SLCO1B3: variants seen among roughly 807,000 people sequenced by gnomAD.
SLCO1B3 encodes the protein liver-specific organic anion transporter 2.
A neutral mutation model predicts 71.8 loss-of-function variants in SLCO1B3; 72 were observed. That is an observed-to-expected ratio of 1.00 (90% CI 0.83 to 1.22). The LOEUF (loss-of-function observed/expected upper bound fraction) is 1.22, where lower values mean the gene tolerates loss of function less well. Among genes scored for constraint, SLCO1B3 ranks in the 50% most tolerant of loss-of-function variants. The probability of loss-of-function intolerance (pLI) is 0.00; values close to 1 mark genes in which losing one functional copy is unlikely to be tolerated. For missense variants in SLCO1B3, 911 were observed against 819.7 expected, an observed-to-expected ratio of 1.11 and a Z score of -1.36; for synonymous variants, 298 against 278.4, an observed-to-expected ratio of 1.07 and a Z score of -0.70.
At chr12:20,911,622 G>T (rs562756817) in intron 15 of SLCO1B3, among the ~76,000 whole-genome samples, 2 of 152,288 alleles carry the variant, frequency 1.3e-5, no homozygotes, top group South Asian at 2.1e-4. Context: ...AACAGATATA[G>T]ATCTATTCAG....
At chr12:20,871,656 A>G (rs1476737175) in intron 8 of SLCO1B3, among the ~76,000 whole-genome samples, 2 of 152,122 alleles carry the variant, frequency 1.3e-5, no homozygotes, top group South Asian at 2.1e-4. Flanking sequence ...TGGAAAGTAT[A>G]TGGAAGAATT....
At chr12:20,853,308 G>A (rs1865060165) in intron 3 of SLCO1B3, among the ~76,000 whole-genome samples, 1 of 151,882 alleles carries the variant, frequency 6.6e-6, no homozygotes, top group Admixed American at 6.6e-5. Context: ...AAAAGTATTG[G>A]TGTTACTTAT....
intron 4 of SLCO1B3, among the ~76,000 whole-genome samples, chr12:20,855,587 GA>G (rs1237663409): frequency 1.3e-5 from 2 of 151,838 alleles, no homozygotes; most frequent in African/African-American, 2.4e-5. Context: ...GTTTTAGGTG[GA>G]AGGACTGCAT....
At chr12:20,827,112 G>T (rs1387665587) in intron 3 of SLCO1B3, among the ~76,000 whole-genome samples, 1 of 151,290 alleles carries the variant, frequency 6.6e-6, no homozygotes, top group African/African-American at 2.4e-5. Context: ...AATTTTCAAT[G>T]CATTATTTTT....
intron 8 of SLCO1B3, among the ~76,000 whole-genome samples, chr12:20,872,893 C>T (rs538118563): frequency 2.6e-5 from 4 of 152,162 alleles, no homozygotes; most frequent in Non-Finnish European, 4.4e-5. Flanking sequence ...ATCAATCAGC[C>T]CAGCCATATC....
chr12:20,872,914 T>C (rs927437475), intron 8 of SLCO1B3, among the ~76,000 whole-genome samples: 2 of 152,310 alleles, frequency 1.3e-5, no homozygotes, highest in East Asian at 1.9e-4. Flanking sequence ...TTCTTGGGCC[T>C]CTCAAATTTT....
rs568420770 is a variant in SLCO1B3 at position 20,821,750 on chromosome 12, C to A, written c.84+5928C>A. On this transcript the variant is annotated intron_variant, in intron 3 of 15. Transcript: ENST00000381545. The stretch of plus-strand genomic sequence containing the variant: ...GGACTTGCGGCTAAGGGTGAAGGAC[C>A]AAGGCAGGCATCCCTGCGTGGTCTG... 2.7e-3 allele frequency among the ~76,000 whole-genome samples: 414 copies of A among 152,196 alleles called. 2 individuals carry two copies. The highest frequency in any genetic ancestry group is 9.5e-3 in the African/African-American group (395 of 41,520).
intron 8 of SLCO1B3, among the ~76,000 whole-genome samples, chr12:20,871,066 G>A (rs557060262): frequency 3.9e-5 from 6 of 152,260 alleles, no homozygotes; most frequent in African/African-American, 7.2e-5. Flanking sequence ...TCATTCTAAT[G>A]TATTGTTGAA....
chr12:20,814,981 CTT>C (rs71039997), intron 2 of SLCO1B3, among the ~76,000 whole-genome samples: 14 of 89,276 alleles, frequency 1.6e-4, no homozygotes, highest in South Asian at 4.9e-4. Flanking sequence ...CTTTTCTTTT[CTT>C]TTTTTTTTTT....
chr12:20,885,390 G>A (rs1217777186), intron 13 of SLCO1B3, among the ~76,000 whole-genome samples: 1 of 152,060 alleles, frequency 6.6e-6, no homozygotes. Flanking sequence ...AAATGTGAAC[G>A]AAAATGATAA....
At chr12:20,838,318 A>C (rs1158338596) in intron 3 of SLCO1B3, among the ~76,000 whole-genome samples, 3 of 151,568 alleles carry the variant, frequency 2.0e-5, no homozygotes, top group Non-Finnish European at 2.9e-5. Flanking sequence ...TTCTCCATCC[A>C]TTTACTTTTA....
At chr12:20,843,555 T>TGGA (rs1336487258) in intron 3 of SLCO1B3, among the ~76,000 whole-genome samples, 2 of 151,774 alleles carry the variant, frequency 1.3e-5, no homozygotes, top group African/African-American at 4.8e-5. Context: ...CTGACGTGGG[T>TGGA]GGATCACAAG....
At chr12:20,839,203 C>A (rs1229574347) in intron 3 of SLCO1B3, among the ~76,000 whole-genome samples, 1 of 151,298 alleles carries the variant, frequency 6.6e-6, no homozygotes, top group Non-Finnish European at 1.5e-5. Context: ...TTTCTTAGAT[C>A]AATTAAGAAT....
At chr12:20,878,058 C>T in intron 10 of SLCO1B3, 122 bp downstream of exon 10, 1 of 604,664 alleles carries the variant, frequency 1.7e-6, no homozygotes, top group Non-Finnish European at 2.7e-6. Flanking sequence ...TATTATGTCT[C>T]AAACTTTACA....
In SLCO1B3 at chr12:20,879,585, A is replaced by C; in HGVS notation, c.1285A>C (p.Ile429Leu). 1 of 1,612,754 alleles carries C rather than the reference A, an allele frequency of 6.2e-7. No individual in the cohort carries two copies. The highest frequency in any genetic ancestry group is 8.5e-7 in the Non-Finnish European group (1 of 1,179,394). Residue 429 changes from isoleucine (I) to leucine (L), a missense_variant, in exon 11 of 16, where the codon ATC (isoleucine) becomes CTC (leucine). Physicochemically the swap from Ile to Leu is conservative, Grantham distance 5. Coordinates refer to ENST00000381545, the MANE Select transcript of SLCO1B3 (RefSeq NM_019844.4). ...GTTTCAACTTCTATATTTCCCTCTA[A>C]TCTGCGAAAGCAAATCAGTTGCCGG... ...FLFQLLYFPL[I>L]CESKSVAGLT... is the part of the protein sequence containing the mutation.
chr12:20,873,507 A>G (rs1300690664), intron 8 of SLCO1B3, among the ~76,000 whole-genome samples: 1 of 152,204 alleles, frequency 6.6e-6, no homozygotes, highest in Non-Finnish European at 1.5e-5. Context: ...CAGATGAGAT[A>G]GAAGCTAATC....
chr12:20,817,526 A>T (rs754983429), intron 3 of SLCO1B3, among the ~76,000 whole-genome samples: 7 of 152,122 alleles, frequency 4.6e-5, no homozygotes, highest in Middle Eastern at 6.8e-3. Flanking sequence ...CTCTATTCTG[A>T]TTCATTGGTC....
chr12:20,898,341 C>G, intron 13 of SLCO1B3, 95 bp from the exon 14 acceptor site: 1 of 775,790 alleles, frequency 1.3e-6, no homozygotes, highest in Non-Finnish European at 2.3e-6. Flanking sequence ...ATTCATTCTA[C>G]CAGGGAGAGG....
At chr12:20,854,531 T>A (rs1308862165) in intron 3 of SLCO1B3, among the ~76,000 whole-genome samples, 1 of 152,170 alleles carries the variant, frequency 6.6e-6, no homozygotes, top group Non-Finnish European at 1.5e-5. Flanking sequence ...CTCTTTAGGT[T>A]CCTGTTTGCA....
Sources: allele counts gnomAD v4.1 joint callset (sites outside exome capture counted in the v4.1 genomes callset), GRCh38; gene constraint gnomAD v4.1.1; transcripts MANE v1.5; gene names NCBI Gene and HGNC (gene_info 2026-07-23, HGNC 2026-07-21).